Variants in GREB1 observed in about 807,000 individuals in gnomAD.
GREB1 encodes protein GREB1.
In GREB1, 106 loss-of-function variants were observed where a neutral mutation model predicts 200.7. The observed-to-expected ratio is 0.53, with a 90% CI of 0.45 to 0.62. The LOEUF (loss-of-function observed/expected upper bound fraction) is 0.62, where lower values mean the gene tolerates loss of function less well. Ranked by LOEUF, GREB1 falls within the 20% of genes least tolerant of loss-of-function variation. The pLI is 0.00. For synonymous variants in GREB1, 1,132 were observed against 1,092.4 expected (o/e 1.04, Z -0.72); for missense variants, 2,243 against 2,556.8 (o/e 0.88, Z 2.65).
chr2:11,512,039 G>A (rs952973532), intron 1 of GREB1, among the ~76,000 whole-genome samples: 7 of 152,172 alleles, frequency 4.6e-5, no homozygotes, highest in Non-Finnish European at 1.0e-4. Context: ...CCTGTAGCGA[G>A]TGGAATTCCC....
intron 11 of GREB1, among the ~76,000 whole-genome samples, chr2:11,593,353 C>T (rs1436790104): frequency 2.0e-5 from 3 of 152,210 alleles, no homozygotes; most frequent in Non-Finnish European, 4.4e-5. Context: ...CTGGGGTCAG[C>T]TTGGGAATGT....
intron 30 of GREB1, 68 bp from the exon 31 acceptor site, chr2:11,637,648 C>T (rs1572234580): frequency 3.4e-6 from 5 of 1,470,122 alleles, no homozygotes; most frequent in East Asian, 4.6e-5. Flanking sequence ...ACCCTTGCAG[C>T]CCGGAAGCCA....
At chr2:11,592,147 C>G (rs1680784600) in intron 10 of GREB1, 1 of 948,744 alleles carries the variant, frequency 1.1e-6, no homozygotes, top group African/African-American at 1.8e-5. Flanking sequence ...AAGACCTTCT[C>G]TAACAAGCTA....
At chr2:11,504,805 CT>C (rs1409139552) in intron 1 of GREB1, among the ~76,000 whole-genome samples, 5 of 152,188 alleles carry the variant, frequency 3.3e-5, no homozygotes, top group African/African-American at 7.2e-5. Flanking sequence ...TTCGACATTA[CT>C]TTTTGTTTTC....
chr2:11,618,685 G>A lies in GREB1; in HGVS notation c.3810G>A (p.Val1270=), dbSNP rs1026770559. 2 of 1,613,668 alleles carry A rather than the reference G, an allele frequency of 1.2e-6. No homozygotes were observed. The highest frequency in any genetic ancestry group is 1.7e-6 in the Non-Finnish European group (2 of 1,179,980). The change falls in exon 22 of 33, where the codon GTG becomes GTA. Residue 1270 remains valine, a synonymous_variant. Transcript: ENST00000381486. ...FLPKLVYDMV[V]STDSSGLPKA... is the part of the protein sequence containing the mutation. ...CCAAGCTCGTGTACGACATGGTTGT[G>A]TCCACTGACAGCAGTGGCCTGCCCA... is the stretch of plus-strand genomic sequence containing the variant.
In GREB1 at chr2:11,641,380, T is replaced by C. The variant is rs1201479871; in HGVS notation, c.*926T>C. ...TTGGTTCCTCAGGGAAGAATCTCAC[T>C]TGACTAGAGAGGAGGTGGGAACAGA... On this transcript the variant is annotated 3_prime_UTR_variant, in exon 33 of 33. Coordinates refer to ENST00000381486, the MANE Select transcript of GREB1 (RefSeq NM_014668.4). 1 of 152,218 alleles carries C rather than the reference T, an allele frequency of 6.6e-6. No homozygotes were observed. Among genetic ancestry groups the C allele is most frequent in the African/African-American group, 2.4e-5 (1 of 41,452 alleles). The allele number at this position is 152,218 out of a possible 1,614,324, so 9.4% of individuals were successfully genotyped here.
At chr2:11,519,732 A>G (rs759799555) in intron 1 of GREB1, among the ~76,000 whole-genome samples, 1 of 152,092 alleles carries the variant, frequency 6.6e-6, no homozygotes, top group African/African-American at 2.4e-5. Context: ...CTGTGATTAC[A>G]GGCGTGAACC....
chr2:11,620,343 T>C (rs1683899093), intron 22 of GREB1, among the ~76,000 whole-genome samples: 1 of 152,128 alleles, frequency 6.6e-6, no homozygotes, highest in African/African-American at 2.4e-5. Context: ...TCTCAATCAG[T>C]AATAACCAAA....
In GREB1 at chr2:11,587,077, C is replaced by T. The variant is rs528551738; in HGVS notation, c.1159+1172C>T. On this transcript the variant is annotated intron_variant, in intron 9 of 32. Coordinates refer to ENST00000381486, the MANE Select transcript of GREB1 (RefSeq NM_014668.4). ...AAGAAAGCCCAGCAAGTCTACGTCT[C>T]ACACGAGCAATCTCAGAATAGAGAC... Among the ~76,000 whole-genome samples, 74 of 152,326 alleles carry T rather than the reference C, an allele frequency of 4.9e-4. 1 individual carries two copies. Among genetic ancestry groups the T allele is most frequent in the African/African-American group, 1.7e-3 (70 of 41,576 alleles).
At chr2:11,596,961 G>A (rs537655981) in intron 13 of GREB1, among the ~76,000 whole-genome samples, 1 of 151,908 alleles carries the variant, frequency 6.6e-6, no homozygotes, top group African/African-American at 2.4e-5. Flanking sequence ...CCGTGAGAGT[G>A]GGCAGGGGCA....
At chr2:11,614,586 T>C (rs142665436) in intron 19 of GREB1, among the ~76,000 whole-genome samples, 9,710 of 151,672 alleles carry the variant, frequency 0.064, 426 homozygotes, top group South Asian at 0.21. Context: ...TGTTTTGAGA[T>C]GGAGTCTGGC....
At chr2:11,519,675 C>G (rs1673640310) in intron 1 of GREB1, among the ~76,000 whole-genome samples, 1 of 151,830 alleles carries the variant, frequency 6.6e-6, no homozygotes, top group South Asian at 2.1e-4. Context: ...AGGCTGGTCT[C>G]GACCTCTTGA....
rs1424581643 is a variant in GREB1, at chr2:11,595,345, C to T, written c.1791C>T (p.Asp597=). Residue 597 remains aspartate, a synonymous_variant, in exon 12 of 33, where the codon GAC becomes GAT. Coordinates refer to ENST00000381486, the MANE Select transcript of GREB1 (RefSeq NM_014668.4). Reference sequence around the variant, plus strand: ...ACGAGCTGGTTACGGGGAAGGTAGACTCGCTGGGGGCCTTCTTTAGCACCC... The same window carrying T: ...ACGAGCTGGTTACGGGGAAGGTAGATTCGCTGGGGGCCTTCTTTAGCACCC... ...VNYELVTGKV[D]SLGAFFSTLC... is the part of the protein sequence containing the mutation. 1 of 1,613,934 alleles carries T rather than the reference C, an allele frequency of 6.2e-7. No homozygotes were observed. Among genetic ancestry groups the T allele is most frequent in the South Asian group, 1.1e-5 (1 of 91,070 alleles).
chr2:11,501,565 TG>T (rs1673037849), intron 1 of GREB1, among the ~76,000 whole-genome samples: 1 of 152,106 alleles, frequency 6.6e-6, no homozygotes, highest in Non-Finnish European at 1.5e-5. Flanking sequence ...GGCTAATTTT[TG>T]TATTTTTAGT....
chr2:11,533,838 A>G (rs774777036), upstream of GREB1, among the ~76,000 whole-genome samples: 1 of 152,198 alleles, frequency 6.6e-6, no homozygotes, highest in African/African-American at 2.4e-5. Context: ...TGTAGCTTGC[A>G]GGCAGAAATG....
chr2:11,595,138 A>T, intron 11 of GREB1, 113 bp from the exon 12 acceptor site: 1 of 952,192 alleles, frequency 1.1e-6, no homozygotes, highest in Non-Finnish European at 1.6e-6. Context: ...TGTTAGCCAC[A>T]GATTCCAGAT....
intron 1 of GREB1, among the ~76,000 whole-genome samples, chr2:11,526,358 A>G (rs1259980024): frequency 1.3e-5 from 2 of 152,194 alleles, no homozygotes; most frequent in South Asian, 2.1e-4. Flanking sequence ...CTGTATTAAA[A>G]TCTCAGCTTA....
At chr2:11,606,989 G>A (rs1272068433) in intron 17 of GREB1, among the ~76,000 whole-genome samples, 1 of 151,990 alleles carries the variant, frequency 6.6e-6, no homozygotes, top group Non-Finnish European at 1.5e-5. Context: ...CACCATGTTA[G>A]CCAGGATGGT....
rs769137133 is a variant in GREB1, at chr2:11,612,589, C to T, written c.3101C>T (p.Pro1034Leu). The T allele has an allele frequency of 5.2e-5, 84 of 1,611,126 alleles. No homozygotes were observed. The highest frequency in any genetic ancestry group is 2.1e-4 in the Middle Eastern group (1 of 4,822). ...PCILIFSGMD[P>L]HGESLPRSLR... The stretch of plus-strand genomic sequence containing the variant: ...ATCCTGATCTTCAGTGGGATGGACC[C>T]GCATGGGGAGTCCTTGCCGAGGTGA... Residue 1034 changes from proline (P) to leucine (L), a missense_variant, in exon 19 of 33, where the codon CCG becomes CTG. By Grantham distance (98) the Pro-to-Leu change is moderately conservative (BLOSUM62 -3). Around this residue, in one of 3 missense-constraint regions of GREB1, gnomAD observed 1,178 missense variants for 1,387.4 expected, o/e 0.85. Coordinates refer to ENST00000381486, the MANE Select transcript of GREB1 (RefSeq NM_014668.4).
Sources: allele counts gnomAD v4.1 joint callset (sites outside exome capture counted in the v4.1 genomes callset), GRCh38; gene constraint gnomAD v4.1.1; regional missense constraint gnomAD v4.1.1; transcripts MANE v1.5; gene names NCBI Gene and HGNC (gene_info 2026-07-23, HGNC 2026-07-21).